The following PKHD1 variants were observed in gnomAD, a reference collection of about 807,000 sequenced individuals.
PKHD1 encodes the protein PKHD1 ciliary IPT domain containing fibrocystin/polyductin.
PKHD1 carries 291 observed loss-of-function variants against 412.0 expected under a neutral mutation model. The observed-to-expected ratio is 0.71, with a 90% CI of 0.64 to 0.78. The LOEUF (loss-of-function observed/expected upper bound fraction) is 0.78, where lower values mean the gene tolerates loss of function less well. Among genes scored for constraint, PKHD1 ranks in the 30% least tolerant of loss-of-function variants. The pLI is 0.00. For synonymous variants in PKHD1, 1,777 were observed against 1,821.5 expected (o/e 0.98, Z 0.62); for missense variants, 4,825 against 4,950.7 (o/e 0.97, Z 0.76).
At position 51,849,913 on chromosome 6, in the gene PKHD1, C is replaced by A. The variant is rs368103709; in HGVS notation, c.7912-1943G>T. Among the ~76,000 whole-genome samples, 10 of 152,238 alleles carry A rather than the reference C, an allele frequency of 6.6e-5. No individual in the cohort carries two copies. In the East Asian group the frequency reaches 1.5e-3, roughly 24 times the overall value. On this transcript the variant is annotated intron_variant, in intron 49 of 66. Transcript: ENST00000371117. ...TTTAGTTTAATTAGATCCCATTTGT[C>A]AATTTTTGCTTTTGTTGCAATTGCT...
rs561625980 is a variant in PKHD1, at chr6:51,688,658, C to T, written c.10157-28689G>A. On this transcript the variant is annotated intron_variant, in intron 60 of 66. Coordinates refer to ENST00000371117, the MANE Select transcript of PKHD1 (RefSeq NM_138694.4). ...TCAGAAACAACAAGGGGGATATCAC[C>T]ACGGACCCCACAGATATACAAACAA... Among the ~76,000 whole-genome samples, 15 of 151,940 alleles carry T rather than the reference C, an allele frequency of 9.9e-5. No homozygotes were observed. The East Asian group carries it at 2.9e-3, about 29-fold the overall frequency.
chr6:51,776,994 A>G (rs1199031596), intron 53 of PKHD1, among the ~76,000 whole-genome samples: 1 of 152,078 alleles, frequency 6.6e-6, no homozygotes, highest in Non-Finnish European at 1.5e-5. Context: ...CAAAAATACT[A>G]AAGTTATTAA....
chr6:51,787,227 C>A (rs368810109), intron 53 of PKHD1, among the ~76,000 whole-genome samples: 8 of 151,942 alleles, frequency 5.3e-5, no homozygotes, highest in Non-Finnish European at 1.0e-4. Context: ...GGCATGGTGG[C>A]GAGCAGCTAT....
intron 52 of PKHD1, among the ~76,000 whole-genome samples, chr6:51,828,336 GATA>G (rs1767678531): frequency 6.6e-6 from 1 of 151,946 alleles, no homozygotes; most frequent in Non-Finnish European, 1.5e-5. Context: ...TAAAAACAGG[GATA>G]ATAACAGAAT....
chr6:52,022,751 C>T (rs1801579186), intron 33 of PKHD1, 50 bp downstream of exon 33: 2 of 1,579,222 alleles, frequency 1.3e-6, no homozygotes, highest in East Asian at 2.2e-5. Flanking sequence ...CAAAGAATAT[C>T]ATTTCCATAT....
In PKHD1 at chr6:52,053,141, G is replaced by A. The variant is rs1461898258; in HGVS notation, c.2075C>T (p.Pro692Leu). Residue 692 changes from proline to leucine, a missense_variant, in exon 21 of 67, where the codon CCT becomes CTT. Pro to Leu is a moderately conservative substitution (Grantham distance 98). Transcript: ENST00000371117. ...GAACAGGCCCGTCTCCTGGGCCAGAGGGAGAAGGTTGATCTGATGAACCAG... is the reference window on the plus strand; with the variant it reads ...GAACAGGCCCGTCTCCTGGGCCAGAAGGAGAAGGTTGATCTGATGAACCAG... Reference protein sequence around the residue: ...PVLVHQINLLPLAQETGLFYV... With the variant: ...PVLVHQINLLLLAQETGLFYV... The A allele has an allele frequency of 6.2e-7, 1 of 1,614,128 alleles. No individual in the cohort carries two copies. Among genetic ancestry groups the A allele is most frequent in the African/African-American group, 1.3e-5 (1 of 75,046 alleles).
intron 35 of PKHD1, among the ~76,000 whole-genome samples, chr6:51,989,251 C>A (rs894436998): frequency 2.0e-5 from 3 of 152,194 alleles, no homozygotes; most frequent in Non-Finnish European, 1.5e-5. Flanking sequence ...CTAATTAAAG[C>A]CATACTCTTT....
chr6:51,770,729 A>T (rs1194723710), intron 55 of PKHD1, among the ~76,000 whole-genome samples: 1 of 151,908 alleles, frequency 6.6e-6, no homozygotes, highest in Non-Finnish European at 1.5e-5. Context: ...AAATTCTAGT[A>T]AAACAAATTA....
chr6:51,845,553 T>C (rs1240751277), intron 50 of PKHD1, among the ~76,000 whole-genome samples: 1 of 152,250 alleles, frequency 6.6e-6, no homozygotes, highest in Non-Finnish European at 1.5e-5. Context: ...GAGGAGATAC[T>C]AGGGTATTCC....
intron 53 of PKHD1, among the ~76,000 whole-genome samples, chr6:51,787,998 G>T (rs754117109): frequency 6.6e-6 from 1 of 152,186 alleles, no homozygotes; most frequent in African/African-American, 2.4e-5. Flanking sequence ...GCAAATGGCA[G>T]TAATCTGTGA....
At chr6:51,741,113 G>A (rs529948773) in intron 60 of PKHD1, 1 of 518,862 alleles carries the variant, frequency 1.9e-6, no homozygotes, top group Admixed American at 1.9e-5. Context: ...CTGAGAAAAA[G>A]CAAATATTCT....
chr6:51,822,899 TG>T (rs1766678463), intron 52 of PKHD1, among the ~76,000 whole-genome samples: 1 of 152,186 alleles, frequency 6.6e-6, no homozygotes, highest in Non-Finnish European at 1.5e-5. Flanking sequence ...ATCAAGTTTA[TG>T]GTACTTATTA....
At chr6:52,048,391 A>G (rs1199426655) in intron 23 of PKHD1, 101 bp downstream of exon 23, 1 of 1,144,218 alleles carries the variant, frequency 8.7e-7, no homozygotes, top group East Asian at 2.3e-5. Flanking sequence ...AATAGCTTTA[A>G]TATTATCACC....
At chr6:51,688,164 A>G (rs1582091111) in intron 60 of PKHD1, among the ~76,000 whole-genome samples, 1 of 152,202 alleles carries the variant, frequency 6.6e-6, no homozygotes, top group South Asian at 2.1e-4. Context: ...ATTCGTAAGC[A>G]CAATCTAGAG....
chr6:51,619,003 T>C lies in PKHD1; in HGVS notation c.*78A>G. The stretch of plus-strand genomic sequence containing the variant: ...CTTCTTAGTTGTCCCAGCAGGACAG[T>C]CCTCACTTCCCCAGCTTATTATCCA... On this transcript the variant is annotated 3_prime_UTR_variant, in exon 67 of 67. Transcript: ENST00000371117. 1 of 1,313,346 alleles carries C rather than the reference T, an allele frequency of 7.6e-7. No individual in the cohort carries two copies. The highest frequency in any genetic ancestry group is 1.2e-5 in the South Asian group (1 of 84,326). 81.4% of individuals were successfully genotyped at this position (1,313,346 alleles called of 1,614,324 possible).
chr6:52,012,613 A>T (rs1252383503), intron 34 of PKHD1, among the ~76,000 whole-genome samples: 1 of 152,254 alleles, frequency 6.6e-6, no homozygotes, highest in Middle Eastern at 3.2e-3. Flanking sequence ...TCAATACAGA[A>T]ATGTGATGGA....
At chr6:51,939,269 G>C (rs994310159) in intron 36 of PKHD1, among the ~76,000 whole-genome samples, 1 of 150,436 alleles carries the variant, frequency 6.6e-6, no homozygotes, top group Admixed American at 6.6e-5. Flanking sequence ...CCGCTTTTCT[G>C]GGGGGCAAGA....
intron 35 of PKHD1, among the ~76,000 whole-genome samples, chr6:52,009,272 G>A (rs1470434991): frequency 6.6e-6 from 1 of 152,150 alleles, no homozygotes; most frequent in Non-Finnish European, 1.5e-5. Context: ...GAGGACCCAG[G>A]AGCATGGAAA....
intron 43 of PKHD1, among the ~76,000 whole-genome samples, chr6:51,900,863 G>T (rs1781141566): frequency 6.6e-6 from 1 of 152,154 alleles, no homozygotes; most frequent in Admixed American, 6.5e-5. Context: ...TGAAGGACAT[G>T]AACAGACACT....
Sources: gnomAD v4.1 joint callset for allele counts (sites outside exome capture counted in the v4.1 genomes callset) on GRCh38, gnomAD v4.1.1 for gene constraint, MANE v1.5 for transcripts, NCBI Gene and HGNC (gene_info 2026-07-23, HGNC 2026-07-21) for gene names.